The following PPFIBP2 variants were observed in gnomAD, a reference collection of about 807,000 sequenced individuals.
The protein encoded by PPFIBP2 is PPFIB scaffold protein 2, also known as liprin-beta-2.
A neutral mutation model predicts 118.3 loss-of-function variants in PPFIBP2; 118 were observed. The observed-to-expected ratio is 1.00, with a 90% CI of 0.86 to 1.16. PPFIBP2 has a LOEUF of 1.16. PPFIBP2 is among the 50% of genes most tolerant of loss of function. PPFIBP2 has a pLI of 0.00. For missense variants in PPFIBP2, 1,195 were observed against 1,073.1 expected (o/e 1.11, Z -1.59); for synonymous variants, 414 against 397.4 (o/e 1.04, Z -0.50).
intron 6 of PPFIBP2, among the ~76,000 whole-genome samples, chr11:7,620,107 C>T (rs977054578): frequency 6.6e-6 from 1 of 152,076 alleles, no homozygotes; most frequent in African/African-American, 2.4e-5. Context: ...GCTTGAATTC[C>T]AGCTCCACCA....
chr11:7,658,296 C>CT (rs1276546853), downstream of PPFIBP2, among the ~76,000 whole-genome samples: 2 of 112,988 alleles, frequency 1.8e-5, no homozygotes, highest in Non-Finnish European at 3.5e-5. Flanking sequence ...TCCCTCCCCC[C>CT]TCCCCCCACC....
intron 5 of PPFIBP2, among the ~76,000 whole-genome samples, chr11:7,603,861 C>G (rs902384967): frequency 6.6e-6 from 1 of 152,276 alleles, no homozygotes; most frequent in South Asian, 2.1e-4. Flanking sequence ...CCACCCTCCC[C>G]CAGACCACCT....
At chr11:7,633,056 C>T in intron 12 of PPFIBP2, 122 bp downstream of exon 12, 3 of 852,956 alleles carry the variant, frequency 3.5e-6, no homozygotes, top group South Asian at 3.0e-5. Flanking sequence ...TGCACCTGCC[C>T]CTCTGTTGTT....
At chr11:7,655,100 T>C (rs1854558331), downstream of PPFIBP2, among the ~76,000 whole-genome samples, 1 of 152,170 alleles carries the variant, frequency 6.6e-6, no homozygotes, top group South Asian at 2.1e-4. Flanking sequence ...TGCTCTCTGC[T>C]CCTGGAAATA....
At chr11:7,522,734 G>A (rs1268742214) in intron 1 of PPFIBP2, among the ~76,000 whole-genome samples, 3 of 152,220 alleles carry the variant, frequency 2.0e-5, no homozygotes, top group African/African-American at 2.4e-5. Flanking sequence ...ATGGGGGCCC[G>A]AAGGCTCATG....
intron 3 of PPFIBP2, among the ~76,000 whole-genome samples, chr11:7,579,286 G>C (rs1035159858): frequency 6.6e-6 from 1 of 152,118 alleles, no homozygotes; most frequent in African/African-American, 2.4e-5. Context: ...TCCCAGTCTA[G>C]TTCTCTTTAT....
chr11:7,631,184 C>T (rs1011500482), intron 11 of PPFIBP2, 156 bp downstream of exon 11: 18 of 624,368 alleles, frequency 2.9e-5, no homozygotes, highest in African/African-American at 7.3e-5. Context: ...TGGGGATGGG[C>T]GAGCAAGAGG....
chr11:7,621,055 G>A lies in PPFIBP2; in HGVS notation c.711+28G>A, dbSNP rs115874491. Reference sequence around the variant, plus strand: ...AAACGGCACTCCTGATGCTTATGGAGAGAGTATGAGGGCCTTGTGGGGAGG... The same window carrying A: ...AAACGGCACTCCTGATGCTTATGGAAAGAGTATGAGGGCCTTGTGGGGAGG... On this transcript the variant is annotated intron_variant, in intron 7 of 23. Transcript: ENST00000299492. 2.1e-3 allele frequency: 3,167 copies of A among 1,530,538 alleles called. 66 individuals are homozygous for A. The African/African-American group carries it at 0.038, about 19-fold the overall frequency. The allele number at this position is 1,530,538 out of a possible 1,614,324, so 94.8% of individuals were successfully genotyped here. A position where few individuals can be genotyped will look rare whatever the true frequency, so the allele number is the denominator to read the frequency against.
chr11:7,561,977 G>A (rs935210021), intron 2 of PPFIBP2, among the ~76,000 whole-genome samples: 2 of 152,132 alleles, frequency 1.3e-5, no homozygotes, highest in Non-Finnish European at 2.9e-5. Flanking sequence ...CTGGGGAGTC[G>A]GGGGAAAGTT....
intron 17 of PPFIBP2, 71 bp from the exon 18 acceptor site, chr11:7,648,316 G>T: frequency 1.4e-6 from 2 of 1,472,906 alleles, no homozygotes; most frequent in Non-Finnish European, 1.8e-6. Context: ...TCTTTTGTTT[G>T]TGAGACATGA....
At chr11:7,635,481 G>C (rs1402576398) in intron 13 of PPFIBP2, 71 bp from the exon 14 acceptor site, 2 of 1,441,434 alleles carry the variant, frequency 1.4e-6, no homozygotes, top group Non-Finnish European at 2.0e-6. Flanking sequence ...GTAGTCCTGA[G>C]TTGTTGCTGT....
chr11:7,622,348 C>A (rs965808794), intron 7 of PPFIBP2, among the ~76,000 whole-genome samples: 1 of 152,206 alleles, frequency 6.6e-6, no homozygotes, highest in African/African-American at 2.4e-5. Context: ...CACCTCCTAC[C>A]AGGGCCCACC....
the PPFIBP2 span, among the ~76,000 whole-genome samples, chr11:7,663,801 C>G: frequency 6.6e-6 from 1 of 152,220 alleles, no homozygotes; most frequent in Non-Finnish European, 1.5e-5. Flanking sequence ...ATCAGCGAGA[C>G]TCCCTGGGCG....
At chr11:7,559,981 G>A (rs1357260335) in intron 2 of PPFIBP2, among the ~76,000 whole-genome samples, 1 of 152,154 alleles carries the variant, frequency 6.6e-6, no homozygotes, top group Non-Finnish European at 1.5e-5. Flanking sequence ...TTCATTGTGG[G>A]TAAGGGGGAC....
chr11:7,575,666 T>G (rs1166604902), intron 3 of PPFIBP2, among the ~76,000 whole-genome samples: 2 of 152,382 alleles, frequency 1.3e-5, no homozygotes, highest in African/African-American at 4.8e-5. Flanking sequence ...GTTTTTCATT[T>G]GCCTTGGATG....
the PPFIBP2 span, chr11:7,665,244 G>A: frequency 5.2e-6 from 4 of 771,508 alleles, no homozygotes; most frequent in Middle Eastern, 5.0e-4. Flanking sequence ...CCCAAAAGAG[G>A]AGAACCAGTG....
chr11:7,582,728 A>C (rs1168028626), intron 3 of PPFIBP2, among the ~76,000 whole-genome samples: 2 of 152,140 alleles, frequency 1.3e-5, no homozygotes, highest in East Asian at 1.9e-4. Flanking sequence ...AAAAAAAAAA[A>C]AAACCAGCCA....
chr11:7,655,487 C>T (rs764580784), downstream of PPFIBP2: 14 of 1,289,698 alleles, frequency 1.1e-5, no homozygotes, highest in African/African-American at 1.5e-5. Flanking sequence ...CCAAGACATT[C>T]ACCGCCTTAC....
intron 1 of PPFIBP2, among the ~76,000 whole-genome samples, chr11:7,517,992 C>G (rs926295425): frequency 1.3e-5 from 2 of 152,218 alleles, no homozygotes; most frequent in Non-Finnish European, 2.9e-5. Context: ...GGACCAGTGG[C>G]TTTCATTGCC....
Sources: gnomAD v4.1 joint callset for allele counts (sites outside exome capture counted in the v4.1 genomes callset) on GRCh38, gnomAD v4.1.1 for gene constraint, MANE v1.5 for transcripts, NCBI Gene and HGNC (gene_info 2026-07-23, HGNC 2026-07-21) for gene names.